DRC2: variants seen among roughly 807,000 people sequenced by gnomAD.
The protein encoded by DRC2 is coiled-coil domain containing 65.
chr12:48,904,522 C>A, the DRC2 span: 2 of 1,569,232 alleles, frequency 1.3e-6, no homozygotes, highest in Non-Finnish European at 1.7e-6. Flanking sequence ...CCTGCCCTGG[C>A]CCTGTCACTG....
At chr12:48,918,523 C>T in the DRC2 span, 3 of 1,575,920 alleles carry the variant, frequency 1.9e-6, no homozygotes, top group South Asian at 2.3e-5. Flanking sequence ...TCTATTATCC[C>T]CTCTTTTGCT....
At chr12:48,919,338 C>T in the DRC2 span, among the ~76,000 whole-genome samples, 7 of 149,412 alleles carry the variant, frequency 4.7e-5, no homozygotes, top group Middle Eastern at 3.6e-3. Context: ...GCATTCCTCC[C>T]GCCACAGCCT....
chr12:48,914,400 C>G, the DRC2 span: 1 of 1,597,570 alleles, frequency 6.3e-7, no homozygotes, highest in Non-Finnish European at 8.5e-7. Context: ...TCTTTCTGGC[C>G]TAGTCTTTAG....
chr12:48,904,588 T>TA, the DRC2 span: 1 of 1,364,806 alleles, frequency 7.3e-7, no homozygotes, highest in Non-Finnish European at 1.0e-6. Context: ...GAGACCCAGA[T>TA]ATACTTAGAT....
the DRC2 span, chr12:48,918,379 G>A: frequency 1.2e-6 from 2 of 1,614,194 alleles, no homozygotes; most frequent in Non-Finnish European, 1.7e-6. Context: ...ATGCCACAGA[G>A]GATCGAAAGG....
chr12:48,904,429 G>A, the DRC2 span: 5 of 1,613,962 alleles, frequency 3.1e-6, no homozygotes, highest in Non-Finnish European at 4.2e-6. Context: ...AGGAGGAGAT[G>A]GCCAAAAAGA....
the DRC2 span, chr12:48,918,103 G>A: frequency 1.5e-4 from 92 of 609,680 alleles, no homozygotes; most frequent in South Asian, 7.0e-4. Context: ...GGCCCCACCC[G>A]GCCCACAAAA....
At chr12:48,907,318 G>A in the DRC2 span, among the ~76,000 whole-genome samples, 3 of 152,236 alleles carry the variant, frequency 2.0e-5, no homozygotes, top group Admixed American at 6.5e-5. Context: ...TATGTATCTC[G>A]TACTGTTCAA....
chr12:48,909,173 A>G, the DRC2 span, among the ~76,000 whole-genome samples: 33 of 149,668 alleles, frequency 2.2e-4, no homozygotes, highest in African/African-American at 8.1e-4. Flanking sequence ...CCTCCCAAGT[A>G]GCTGGGATTA....
At chr12:48,917,451 G>A in the DRC2 span, among the ~76,000 whole-genome samples, 6 of 151,914 alleles carry the variant, frequency 3.9e-5, no homozygotes, top group South Asian at 2.1e-4. Flanking sequence ...GTGACAGAGC[G>A]AGACCCTGTC....
the DRC2 span, among the ~76,000 whole-genome samples, chr12:48,919,501 C>A: frequency 8.0e-5 from 12 of 150,576 alleles, no homozygotes; most frequent in African/African-American, 2.9e-4. Context: ...TTGAGCTCCC[C>A]CTTACATTTT....
the DRC2 span, among the ~76,000 whole-genome samples, chr12:48,919,501 C>G: frequency 3.2e-4 from 48 of 150,576 alleles, no homozygotes; most frequent in Non-Finnish European, 6.8e-4. Context: ...TTGAGCTCCC[C>G]CTTACATTTT....
At chr12:48,912,095 T>TA in the DRC2 span, among the ~76,000 whole-genome samples, 2 of 151,802 alleles carry the variant, frequency 1.3e-5, no homozygotes, top group South Asian at 2.1e-4. Flanking sequence ...TCATCTCTAC[T>TA]AAAAAATATA....
At chr12:48,918,778 C>G in the DRC2 span, 2 of 1,613,992 alleles carry the variant, frequency 1.2e-6, no homozygotes, top group African/African-American at 2.7e-5. Context: ...GGAATTGGTC[C>G]TTGTACAACT....
the DRC2 span, among the ~76,000 whole-genome samples, chr12:48,913,360 G>A: frequency 2.6e-5 from 4 of 151,830 alleles, no homozygotes; most frequent in East Asian, 7.8e-4. Context: ...CTGGAGTGCA[G>A]TGGCGTGATC....
At chr12:48,913,160 C>G in the DRC2 span, among the ~76,000 whole-genome samples, 1 of 150,390 alleles carries the variant, frequency 6.6e-6, no homozygotes, top group South Asian at 2.1e-4. Flanking sequence ...AAAAAGATAC[C>G]CCAGGTTCAA....
chr12:48,907,398 C>T, the DRC2 span, among the ~76,000 whole-genome samples: 1 of 152,136 alleles, frequency 6.6e-6, no homozygotes, highest in Admixed American at 6.5e-5. Context: ...TTAAGGGAAG[C>T]TGAGTAGTTG....
chr12:48,918,557 A>G, the DRC2 span: 90 of 1,501,940 alleles, frequency 6.0e-5, no homozygotes, highest in Non-Finnish European at 7.9e-5. Flanking sequence ...CCTGGGCCTC[A>G]TCACTGATCA....
At chr12:48,916,857 A>G in the DRC2 span, 3 of 931,508 alleles carry the variant, frequency 3.2e-6, no homozygotes, top group East Asian at 7.8e-5. Context: ...TCTTTTCTCC[A>G]TCAGTACCTA....
Sources: gnomAD v4.1 joint callset for allele counts (sites outside exome capture counted in the v4.1 genomes callset) on GRCh38, gnomAD v4.1.1 for gene constraint, MANE v1.5 for transcripts, NCBI Gene and HGNC (gene_info 2026-07-23, HGNC 2026-07-21) for gene names.